The following CCDC191 variants were observed in gnomAD, a reference collection of about 807,000 sequenced individuals.
CCDC191 encodes the protein coiled-coil domain containing 191.
Under a neutral mutation model 114.0 loss-of-function variants are expected in CCDC191, and 99 were observed. The observed-to-expected ratio is 0.87, with a 90% confidence interval of 0.74 to 1.03. The LOEUF (loss-of-function observed/expected upper bound fraction) is 1.03. Ranked by LOEUF, CCDC191 falls within the 50% of genes least tolerant of loss-of-function variation. The pLI, the probability that CCDC191 is intolerant of heterozygous loss-of-function variation, is 0.00. For missense variants in CCDC191, 973 were observed against 1,087.0 expected (o/e 0.90, Z 1.47); for synonymous variants, 351 against 376.0 (o/e 0.93, Z 0.77).
intron 16 of CCDC191, among the ~76,000 whole-genome samples, chr3:113,974,346 G>C (rs1293439221): frequency 6.6e-6 from 1 of 150,454 alleles, no homozygotes; most frequent in South Asian, 2.1e-4. Context: ...TGGAGATGGA[G>C]TCTTGCTCAA....
intron 16 of CCDC191, 144 bp from the exon 17 acceptor site, chr3:113,965,503 CAGTGTGAAATG>C: frequency 4.4e-6 from 2 of 459,526 alleles, no homozygotes; most frequent in South Asian, 1.1e-4. Context: ...GGGATTATGA[CAGTGTGAAATG>C]CTGTGAAAAA....
intron 7 of CCDC191, among the ~76,000 whole-genome samples, chr3:114,027,838 T>C (rs920162705): frequency 4.6e-5 from 7 of 152,158 alleles, no homozygotes; most frequent in African/African-American, 1.7e-4. Flanking sequence ...TTTTCCTGTT[T>C]TCATCCTGTG....
chr3:114,002,042 C>G (rs2075865596), intron 12 of CCDC191, among the ~76,000 whole-genome samples: 1 of 152,150 alleles, frequency 6.6e-6, no homozygotes, highest in Non-Finnish European at 1.5e-5. Flanking sequence ...TTTCATTTCA[C>G]CAGAAAACCC....
At chr3:114,020,309 T>C (rs1019765836) in intron 7 of CCDC191, among the ~76,000 whole-genome samples, 27 of 152,226 alleles carry the variant, frequency 1.8e-4, no homozygotes, top group African/African-American at 6.3e-4. Flanking sequence ...GAGCATCTAC[T>C]AGAATTCTTA....
In CCDC191 at chr3:114,023,239, A is replaced by G. The variant is rs573915289; in HGVS notation, c.973-4371T>C. Among the ~76,000 whole-genome samples the G allele has an allele frequency of 3.3e-4, 51 of 152,342 alleles. 1 individual carries two copies. The East Asian group carries it at 9.1e-3, about 27-fold the overall frequency. ...ACAAATGGAAGAACATTCCATGCTCATGGGTAGGAAGAATCAATATCGTGA... is the reference window on the plus strand; with the variant it reads ...ACAAATGGAAGAACATTCCATGCTCGTGGGTAGGAAGAATCAATATCGTGA... On this transcript the variant is annotated intron_variant, in intron 7 of 16. Coordinates refer to ENST00000295878, the MANE Select transcript of CCDC191 (RefSeq NM_020817.2).
intron 8 of CCDC191, among the ~76,000 whole-genome samples, chr3:114,015,343 G>T (rs2076142082): frequency 6.6e-6 from 1 of 152,198 alleles, no homozygotes; most frequent in Admixed American, 6.5e-5. Context: ...TGCGGCCCAG[G>T]AAAGAATTGA....
intron 8 of CCDC191, among the ~76,000 whole-genome samples, chr3:114,013,911 T>C (rs2076115448): frequency 1.3e-5 from 2 of 152,156 alleles, no homozygotes; most frequent in Admixed American, 1.3e-4. Context: ...AAAAACAGTG[T>C]CAGTAAGCCC....
chr3:113,991,339 CA>C (rs2075559874), intron 13 of CCDC191, among the ~76,000 whole-genome samples: 1 of 146,098 alleles, frequency 6.8e-6, no homozygotes, highest in South Asian at 2.1e-4. Flanking sequence ...ACACCATGAC[CA>C]AGTGGAGTTC....
chr3:114,036,328 A>G (rs1270215639), intron 5 of CCDC191, among the ~76,000 whole-genome samples: 1 of 152,218 alleles, frequency 6.6e-6, no homozygotes, highest in Non-Finnish European at 1.5e-5. Flanking sequence ...AATAGGAAGT[A>G]CCACATTCAA....
intron 16 of CCDC191, among the ~76,000 whole-genome samples, chr3:113,974,054 A>G (rs993017554): frequency 1.3e-5 from 2 of 151,694 alleles, no homozygotes; most frequent in Non-Finnish European, 2.9e-5. Flanking sequence ...TGCTTGATCC[A>G]TTTGGCTGTT....
At chr3:114,040,370 T>C (rs1049362910) in intron 4 of CCDC191, among the ~76,000 whole-genome samples, 4 of 152,204 alleles carry the variant, frequency 2.6e-5, no homozygotes, top group Non-Finnish European at 4.4e-5. Context: ...TTGAATTCCA[T>C]TTCTGTCTTC....
chr3:113,992,288 A>G (rs528547495), intron 13 of CCDC191, among the ~76,000 whole-genome samples: 1 of 152,276 alleles, frequency 6.6e-6, no homozygotes, highest in South Asian at 2.1e-4. Context: ...AGAGTGAGTA[A>G]GCATTCAGCT....
intron 10 of CCDC191, 79 bp downstream of exon 10, chr3:114,005,429 G>C (rs1204593647): frequency 1.5e-6 from 2 of 1,350,536 alleles, no homozygotes; most frequent in Admixed American, 4.5e-5. Flanking sequence ...GGGCTCAGAA[G>C]CAGGGCAAAG....
intron 16 of CCDC191, among the ~76,000 whole-genome samples, chr3:113,976,240 C>CAG (rs1427830649): frequency 1.3e-5 from 2 of 151,236 alleles, no homozygotes; most frequent in African/African-American, 4.9e-5. Context: ...GCCTGGGTGA[C>CAG]AGAGTAAGAC....
At chr3:114,027,363 C>T (rs2076335266) in intron 7 of CCDC191, among the ~76,000 whole-genome samples, 1 of 152,100 alleles carries the variant, frequency 6.6e-6, no homozygotes, top group Non-Finnish European at 1.5e-5. Context: ...TGCCTGTAAT[C>T]CCGATGCTTT....
chr3:114,035,197 G>A (rs2076466483), intron 5 of CCDC191, 49 bp from the exon 6 acceptor site: 1 of 1,377,774 alleles, frequency 7.3e-7, no homozygotes, highest in Middle Eastern at 1.8e-4. Context: ...AAGTAGAAAG[G>A]GATATGAAAA....
At chr3:114,020,145 A>T (rs2076222856) in intron 7 of CCDC191, among the ~76,000 whole-genome samples, 1 of 152,170 alleles carries the variant, frequency 6.6e-6, no homozygotes, top group African/African-American at 2.4e-5. Context: ...CTTTCTCTAT[A>T]AAAATACTTA....
chr3:114,028,963 T>C (rs2076364756), intron 7 of CCDC191, among the ~76,000 whole-genome samples: 2 of 151,110 alleles, frequency 1.3e-5, no homozygotes, highest in Middle Eastern at 3.5e-3. Flanking sequence ...CATATATCTA[T>C]GTATATATCT....
chr3:114,032,510 T>A (rs1450806532), intron 6 of CCDC191, among the ~76,000 whole-genome samples: 2 of 152,186 alleles, frequency 1.3e-5, no homozygotes, highest in Non-Finnish European at 2.9e-5. Flanking sequence ...GTATATATTA[T>A]TAATGATGTG....
Sources: gnomAD v4.1 joint callset for allele counts (sites outside exome capture counted in the v4.1 genomes callset) on GRCh38, gnomAD v4.1.1 for gene constraint, MANE v1.5 for transcripts, NCBI Gene and HGNC (gene_info 2026-07-23, HGNC 2026-07-21) for gene names.